The following TMEM132B variants were observed in gnomAD, a reference collection of about 807,000 sequenced individuals.
TMEM132B encodes the protein transmembrane protein 132B.
In TMEM132B, 18 loss-of-function variants were observed where a neutral mutation model predicts 90.8. The observed-to-expected ratio is 0.20, with a 90% CI of 0.14 to 0.29. TMEM132B has a LOEUF of 0.29. Ranked by LOEUF, TMEM132B falls within the 10% of genes least tolerant of loss-of-function variation. The pLI is 1.00. For missense variants in TMEM132B, 1,096 were observed against 1,326.8 expected (o/e 0.83, Z 2.70); for synonymous variants, 504 against 523.3 (o/e 0.96, Z 0.50).
At chr12:125,326,468 A>G in intron 1 of TMEM132B, 2 of 810,360 alleles carry the variant, frequency 2.5e-6, no homozygotes, top group Non-Finnish European at 4.1e-6. Flanking sequence ...CTCAAAATGG[A>G]GCACATGAGC....
rs368917831 is a variant in TMEM132B at position 125,500,988 on chromosome 12, C to G, written c.1107-18451C>G. Among the ~76,000 whole-genome samples, 14 of 152,230 alleles carry G rather than the reference C, an allele frequency of 9.2e-5. 1 individual carries two copies. The South Asian group carries it at 2.9e-3, about 32-fold the overall frequency. On this transcript the variant is annotated intron_variant, in intron 3 of 8. Coordinates refer to ENST00000682704, the MANE Select transcript of TMEM132B (RefSeq NM_001366854.1). Reference sequence around the variant, plus strand: ...AGGAAGTCCTCAAAGAAACAGAAGACAGGTGAAGACAGTTCAGAACAAGGG... The same window carrying G: ...AGGAAGTCCTCAAAGAAACAGAAGAGAGGTGAAGACAGTTCAGAACAAGGG...
At chr12:125,198,430 C>G (rs150653833) in intron 1 of TMEM132B, among the ~76,000 whole-genome samples, 192 of 152,280 alleles carry the variant, frequency 1.3e-3, no homozygotes, top group Non-Finnish European at 5.0e-4. Context: ...CAGCCTCCCC[C>G]CTTCTGATGG....
At chr12:125,443,688 T>G (rs906054795) in intron 3 of TMEM132B, among the ~76,000 whole-genome samples, 32 of 152,238 alleles carry the variant, frequency 2.1e-4, no homozygotes, top group African/African-American at 7.0e-4. Context: ...TAATTAAACA[T>G]TTACAAGGAA....
intron 4 of TMEM132B, among the ~76,000 whole-genome samples, chr12:125,541,186 A>G (rs1302412873): frequency 6.6e-6 from 1 of 152,208 alleles, no homozygotes; most frequent in Non-Finnish European, 1.5e-5. Flanking sequence ...TTTCTTCATA[A>G]TAATCATTGT....
chr12:125,240,815 T>C (rs530132603), intron 1 of TMEM132B, among the ~76,000 whole-genome samples: 1 of 152,310 alleles, frequency 6.6e-6, no homozygotes, highest in East Asian at 1.9e-4. Context: ...GTGGGATTAG[T>C]TGATAAATGT....
chr12:125,481,927 AG>A (rs1882054344), intron 3 of TMEM132B, among the ~76,000 whole-genome samples: 1 of 152,174 alleles, frequency 6.6e-6, no homozygotes. Context: ...GGAACAGAAC[AG>A]AGGCCTCAGA....
intron 2 of TMEM132B, among the ~76,000 whole-genome samples, chr12:125,411,165 TG>T (rs869272544): frequency 0.061 from 2,959 of 48,526 alleles, 498 homozygotes; most frequent in East Asian, 0.13. Context: ...AGGAGTGGAG[TG>T]GAGTGGAGTG....
At chr12:125,479,164 A>T (rs1487089158) in intron 3 of TMEM132B, among the ~76,000 whole-genome samples, 1 of 152,236 alleles carries the variant, frequency 6.6e-6, no homozygotes, top group Admixed American at 6.5e-5. Context: ...AACATGCCAA[A>T]TTGTAAAGAC....
chr12:125,650,982 C>T (rs1393921914), intron 7 of TMEM132B, 29 bp downstream of exon 7: 1 of 1,609,760 alleles, frequency 6.2e-7, no homozygotes, highest in Non-Finnish European at 8.5e-7. Flanking sequence ...TGCCCAACAG[C>T]AGTCTGTGTT....
At position 125,445,544 on chromosome 12, in the gene TMEM132B, G is replaced by A. The variant is rs1880982758; in HGVS notation, c.1106+29867G>A. Among the ~76,000 whole-genome samples, 1 of 152,210 alleles carries A rather than the reference G, an allele frequency of 6.6e-6. No individual in the cohort carries two copies. Among genetic ancestry groups the A allele is most frequent in the Admixed American group, 6.5e-5 (1 of 15,286 alleles). On this transcript the variant is annotated intron_variant, in intron 3 of 8. Coordinates refer to ENST00000682704, the MANE Select transcript of TMEM132B (RefSeq NM_001366854.1). This position sits in a 1 kb window ranked among gnomAD's most constrained non-coding sequence, Gnocchi z 4.3. The stretch of plus-strand genomic sequence containing the variant: ...AGGAGGGATCTGCATCTGGAGTGCT[G>A]CTCTTTTTTCTTCTTTTTCCTGCTG...
intron 3 of TMEM132B, among the ~76,000 whole-genome samples, chr12:125,509,992 G>A (rs1308170060): frequency 6.6e-6 from 1 of 152,208 alleles, no homozygotes; most frequent in Non-Finnish European, 1.5e-5. Flanking sequence ...CTCCAGGTTG[G>A]TAATAGAAAG....
rs539305527 is a variant in TMEM132B, at chr12:125,492,510, C to T, written c.1107-26929C>T. Among the ~76,000 whole-genome samples, 64 of 152,310 alleles carry T rather than the reference C, an allele frequency of 4.2e-4. No individual in the cohort carries two copies. The South Asian group carries it at 0.011, about 27-fold the overall frequency. On this transcript the variant is annotated intron_variant, in intron 3 of 8. Coordinates refer to ENST00000682704, the MANE Select transcript of TMEM132B (RefSeq NM_001366854.1). This position sits in a 1 kb window ranked among gnomAD's most constrained non-coding sequence, Gnocchi z 5.8. ...CCACCTCCCCAGGGCCTTTCCCTAC[C>T]GGCCTCCCCTGGTGTTCCCAGCCAG... is the stretch of plus-strand genomic sequence containing the variant.
chr12:125,261,138 T>C (rs1344744898), intron 1 of TMEM132B, among the ~76,000 whole-genome samples: 1 of 152,184 alleles, frequency 6.6e-6, no homozygotes, highest in Admixed American at 6.5e-5. Flanking sequence ...GTCTTCCCGG[T>C]GAGAAGTTTC....
chr12:125,230,869 A>C (rs1349320702), intron 1 of TMEM132B, among the ~76,000 whole-genome samples: 1 of 152,050 alleles, frequency 6.6e-6, no homozygotes, highest in African/African-American at 2.4e-5. Flanking sequence ...AGTGAAGATA[A>C]AGGTGAATCT....
At chr12:125,325,669 CTGTGTGTGTGTGTGTG>C (rs59220510) in intron 1 of TMEM132B, among the ~76,000 whole-genome samples, 13,770 of 124,282 alleles carry the variant, frequency 0.11, 1,080 homozygotes, top group African/African-American at 0.21. Flanking sequence ...GCCTCCCACC[CTGTGTGTGTGTGTGTG>C]TGTGTGTGTG....
At chr12:125,387,767 T>C (rs955843330) in intron 2 of TMEM132B, among the ~76,000 whole-genome samples, 1 of 152,310 alleles carries the variant, frequency 6.6e-6, no homozygotes, top group Non-Finnish European at 1.5e-5. Context: ...GTCTCCATCT[T>C]CCATCCTCCT....
intron 1 of TMEM132B, among the ~76,000 whole-genome samples, chr12:125,325,781 T>A (rs1052095345): frequency 3.3e-5 from 5 of 152,028 alleles, no homozygotes; most frequent in Non-Finnish European, 5.9e-5. Context: ...CAGGTGGAGC[T>A]CTCTGGCTTA....
intron 3 of TMEM132B, among the ~76,000 whole-genome samples, chr12:125,491,625 C>T (rs1258901359): frequency 6.6e-6 from 1 of 152,258 alleles, no homozygotes; most frequent in Non-Finnish European, 1.5e-5. Context: ...TCAGATATGG[C>T]TTCCTGTACA....
intron 5 of TMEM132B, among the ~76,000 whole-genome samples, chr12:125,607,563 G>C (rs1885727480): frequency 6.6e-6 from 1 of 152,202 alleles, no homozygotes. Flanking sequence ...TCAAAGCATA[G>C]AGGTATCCTC....
Sources: allele counts gnomAD v4.1 joint callset (sites outside exome capture counted in the v4.1 genomes callset), GRCh38; gene constraint gnomAD v4.1.1; non-coding constraint Gnocchi (gnomAD v3.1); transcripts MANE v1.5; gene names NCBI Gene and HGNC (gene_info 2026-07-23, HGNC 2026-07-21).